Variants in NCMAP observed in about 807,000 individuals in gnomAD.
The protein encoded by NCMAP is noncompact myelin-associated protein.
In NCMAP, 8 loss-of-function variants were observed where a neutral mutation model predicts 7.8. The observed-to-expected ratio is 1.02, with a 90% CI of 0.60 to 1.84. The LOEUF is 1.84. Ranked by LOEUF, NCMAP falls within the 40% of genes most tolerant of loss-of-function variation. The pLI is 0.00. For missense variants in NCMAP, 112 were observed against 131.4 expected (o/e 0.85, Z 0.72); for synonymous variants, 41 against 52.9 (o/e 0.78, Z 0.98).
chr1:24,578,944 G>C (rs893370077), intron 1 of NCMAP, among the ~76,000 whole-genome samples: 39 of 147,386 alleles, frequency 2.6e-4, no homozygotes, highest in African/African-American at 9.3e-4. Context: ...TTTCCATCTA[G>C]ACAAACACAT....
intron 1 of NCMAP, among the ~76,000 whole-genome samples, chr1:24,589,913 C>T (rs1462627668): frequency 2.6e-5 from 4 of 152,098 alleles, no homozygotes; most frequent in African/African-American, 9.7e-5. Context: ...ACCTCTGCCT[C>T]CCGGGTTCAA....
chr1:24,604,650 ATATG>A (rs1197706437), intron 3 of NCMAP, among the ~76,000 whole-genome samples: 1 of 99,706 alleles, frequency 1.0e-5, no homozygotes, highest in Non-Finnish European at 2.0e-5. Context: ...ATATATATAT[ATATG>A]TCAGCAAGAT....
chr1:24,577,141 AAAAAAT>A lies in NCMAP; in HGVS notation c.-7-18265_-7-18260del, dbSNP rs927298482. ...GCGACAGAGTGAGACTCCGTCTCAAAAAAAATAAAAATAAAAATAAAAAATAAAAAG... is the reference window on the plus strand; with the variant it reads ...GCGACAGAGTGAGACTCCGTCTCAAAAAAAATAAAAATAAAAAATAAAAAG... On this transcript the variant is annotated intron_variant, in intron 1 of 3. Coordinates refer to ENST00000374392, the MANE Select transcript of NCMAP (RefSeq NM_001010980.5). Among the ~76,000 whole-genome samples the A allele has an allele frequency of 7.7e-4, 118 of 152,294 alleles. No homozygotes were observed. In the Middle Eastern group the frequency reaches 0.01, roughly 13 times the overall value.
chr1:24,578,939 A>G (rs1009619455), intron 1 of NCMAP, among the ~76,000 whole-genome samples: 2 of 148,738 alleles, frequency 1.3e-5, no homozygotes, highest in Admixed American at 1.3e-4. Flanking sequence ...TCTCCTTTCC[A>G]TCTAGACAAA....
chr1:24,573,969 A>AAAAAAAAAAAAAAAAAAAAAAAC (rs1274825221), intron 1 of NCMAP, among the ~76,000 whole-genome samples: 2 of 136,862 alleles, frequency 1.5e-5, no homozygotes, highest in Non-Finnish European at 3.1e-5. Context: ...AAAAAAAAAA[A>AAAAAAAAAAAAAAAAAAAAAAAC]AACAGAAAAA....
intron 1 of NCMAP, among the ~76,000 whole-genome samples, chr1:24,562,080 C>A (rs1570511077): frequency 6.6e-6 from 1 of 152,132 alleles, no homozygotes; most frequent in Non-Finnish European, 1.5e-5. Flanking sequence ...AAGATCCATG[C>A]CTACTCAATC....
rs1322815675 is a variant in NCMAP at position 24,597,617 on chromosome 1, G to GAAAGAAAGGA, written c.82+2106_82+2107insAAGAAAGGAA. Among the ~76,000 whole-genome samples the GAAAGAAAGGA allele has an allele frequency of 2.5e-3, 216 of 87,450 alleles. 7 individuals are homozygous for GAAAGAAAGGA. Among genetic ancestry groups the GAAAGAAAGGA allele is most frequent in the East Asian group, 2.8e-3 (8 of 2,830 alleles). The allele number at this position is 87,450 out of a possible 152,430, so 57.4% of individuals were successfully genotyped here. On this transcript the variant is annotated intron_variant, in intron 2 of 3. Coordinates refer to ENST00000374392, the MANE Select transcript of NCMAP (RefSeq NM_001010980.5). Reference sequence around the variant, plus strand: ...AAGAAGAAAGAAAGAAAGAAAGAAAGAGAAAGAAAGAAAGAAAGAAAGAAA... The same window carrying GAAAGAAAGGA: ...AAGAAGAAAGAAAGAAAGAAAGAAAGAAAGAAAGGAAGAAAGAAAGAAAGAAAGAAAGAAA...
chr1:24,556,565 C>T (rs1650902018), intron 1 of NCMAP, among the ~76,000 whole-genome samples: 1 of 152,200 alleles, frequency 6.6e-6, no homozygotes, highest in Non-Finnish European at 1.5e-5. Context: ...TAAATGGGCG[C>T]CTTGATGGGT....
chr1:24,593,896 A>T (rs200942595), intron 1 of NCMAP, among the ~76,000 whole-genome samples: 9 of 90,536 alleles, frequency 9.9e-5, no homozygotes, highest in African/African-American at 3.0e-4. Flanking sequence ...TTATTTATTT[A>T]TTTATTTTTT....
chr1:24,605,621 G>A lies in NCMAP; in HGVS notation c.183G>A (p.Arg61=), dbSNP rs1323702927. 1 of 1,614,184 alleles carries A rather than the reference G, an allele frequency of 6.2e-7. No individual in the cohort carries two copies. Among genetic ancestry groups the A allele is most frequent in the Admixed American group, 1.7e-5 (1 of 60,014 alleles). The stretch of plus-strand genomic sequence containing the variant: ...CTCCCTACAGGAAAATGAGGACGAG[G>A]CGGGAACTAGAGCCCAAGGGCCCCA... ...LKMYNRKMRT[R]RELEPKGPKP... Residue 61 remains arginine (R), a synonymous_variant, in exon 4 of 4, where the codon AGG becomes AGA. Coordinates refer to ENST00000374392, the MANE Select transcript of NCMAP (RefSeq NM_001010980.5).
intron 1 of NCMAP, among the ~76,000 whole-genome samples, chr1:24,581,870 T>C (rs115552431): frequency 1.2e-3 from 178 of 152,286 alleles, no homozygotes; most frequent in African/African-American, 3.9e-3. Flanking sequence ...ACTAGGCAAA[T>C]AAATCCCACA....
At chr1:24,580,009 G>T (rs1261041023) in intron 1 of NCMAP, among the ~76,000 whole-genome samples, 1 of 152,286 alleles carries the variant, frequency 6.6e-6, no homozygotes, top group African/African-American at 2.4e-5. Flanking sequence ...CTGGCCGAGG[G>T]GTAGGTTCTG....
rs1350330120 is a variant in NCMAP at position 24,608,512 on chromosome 1, G to T, written c.*2765G>T. The T allele has an allele frequency of 6.6e-6, 1 of 152,278 alleles. No individual in the cohort carries two copies. 9.4% of individuals were successfully genotyped at this position (152,278 alleles called of 1,614,324 possible). On this transcript the variant is annotated 3_prime_UTR_variant, in exon 4 of 4. Coordinates refer to ENST00000374392, the MANE Select transcript of NCMAP (RefSeq NM_001010980.5). ...GCTACTACTTAGGCCCAAGGAGCAA[G>T]GGGTAGAATGGCATCTAACCAGAGC...
intron 3 of NCMAP, among the ~76,000 whole-genome samples, chr1:24,602,321 T>TTTATAAAGGGAGCTG (rs1390180480): frequency 2.0e-5 from 3 of 149,558 alleles, no homozygotes; most frequent in African/African-American, 7.6e-5. Context: ...ATGAATATTA[T>TTTATAAAGGGAGCTG]CCTGTAATCC....
intron 1 of NCMAP, among the ~76,000 whole-genome samples, chr1:24,557,394 CATGTGTGTGTGTGT>C (rs1650927849): frequency 6.6e-6 from 1 of 151,244 alleles, no homozygotes; most frequent in Admixed American, 6.6e-5. Flanking sequence ...TGTATGTGTG[CATGTGTGTGTGTGT>C]GCGCTTGTGT....
chr1:24,591,560 G>A (rs1282816094), intron 1 of NCMAP, among the ~76,000 whole-genome samples: 1 of 152,242 alleles, frequency 6.6e-6, no homozygotes, highest in African/African-American at 2.4e-5. Flanking sequence ...GAGTCACCGT[G>A]CCTGGCCTGG....
chr1:24,570,324 CA>C (rs201293218), intron 1 of NCMAP, among the ~76,000 whole-genome samples: 9 of 150,296 alleles, frequency 6.0e-5, no homozygotes, highest in Non-Finnish European at 8.8e-5. Context: ...CCATCTCTAA[CA>C]AAAAAAAATT....
chr1:24,563,389 T>C (rs1166797065), intron 1 of NCMAP, among the ~76,000 whole-genome samples: 1 of 151,898 alleles, frequency 6.6e-6, no homozygotes, highest in African/African-American at 2.4e-5. Context: ...GGCGTGGTGG[T>C]GCATGCCTGT....
chr1:24,583,717 GAAAAAAAAA>G (rs71032830), intron 1 of NCMAP, among the ~76,000 whole-genome samples: 3 of 104,074 alleles, frequency 2.9e-5, no homozygotes, highest in African/African-American at 7.3e-5. Flanking sequence ...CTCCGTCTCA[GAAAAAAAAA>G]AAAAAAAAAA....
Sources: gnomAD v4.1 joint callset for allele counts (sites outside exome capture counted in the v4.1 genomes callset) on GRCh38, gnomAD v4.1.1 for gene constraint, MANE v1.5 for transcripts, NCBI Gene and HGNC (gene_info 2026-07-23, HGNC 2026-07-21) for gene names.